GLRA3: variants seen among roughly 807,000 people sequenced by gnomAD.
GLRA3 encodes glycine receptor alpha 3.
A neutral mutation model predicts 60.4 loss-of-function variants in GLRA3; 44 were observed. The ratio of observed to expected loss-of-function variants is 0.73; its 90% CI spans 0.57 to 0.94. The LOEUF (loss-of-function observed/expected upper bound fraction) is 0.94, where lower values mean the gene tolerates loss of function less well. Among genes scored for constraint, GLRA3 ranks in the 40% least tolerant of loss-of-function variants. The pLI is 0.00. For missense variants in GLRA3, 508 were observed against 564.6 expected (o/e 0.90, Z 1.02); for synonymous variants, 223 against 192.9 (o/e 1.16, Z -1.29).
intron 1 of GLRA3, among the ~76,000 whole-genome samples, chr4:174,827,750 T>C (rs937386371): frequency 4.6e-5 from 7 of 152,118 alleles, no homozygotes; most frequent in Middle Eastern, 3.6e-3. Flanking sequence ...GATACACTAT[T>C]GGTTTTTATA....
chr4:174,753,295 C>T (rs894902191), intron 3 of GLRA3, among the ~76,000 whole-genome samples: 37 of 152,060 alleles, frequency 2.4e-4, no homozygotes, highest in Non-Finnish European at 3.8e-4. Context: ...AGAAATATGC[C>T]GTTTGAACGG....
chr4:174,710,963 A>G (rs901352048), intron 5 of GLRA3, among the ~76,000 whole-genome samples: 1 of 151,966 alleles, frequency 6.6e-6, no homozygotes, highest in African/African-American at 2.4e-5. Flanking sequence ...ATTTGTATCT[A>G]GAAATTTTGA....
intron 1 of GLRA3, among the ~76,000 whole-genome samples, chr4:174,820,530 G>C (rs1020737030): frequency 6.6e-6 from 1 of 152,126 alleles, no homozygotes; most frequent in African/African-American, 2.4e-5. Context: ...TGGCAACAGC[G>C]CTGGGATATG....
chr4:174,695,962 C>T (rs1735036309), intron 5 of GLRA3, among the ~76,000 whole-genome samples: 2 of 151,792 alleles, frequency 1.3e-5, no homozygotes, highest in African/African-American at 4.8e-5. Flanking sequence ...CACTGAGAGC[C>T]AAATCAGAAA....
chr4:174,728,823 G>T, intron 3 of GLRA3, 125 bp from the exon 4 acceptor site: 1 of 604,492 alleles, frequency 1.7e-6, no homozygotes, highest in Non-Finnish European at 2.9e-6. Flanking sequence ...CTTGGGGACG[G>T]GGTGTATAGT....
chr4:174,722,201 G>T (rs1330853554), intron 4 of GLRA3, among the ~76,000 whole-genome samples: 1 of 152,104 alleles, frequency 6.6e-6, no homozygotes, highest in Non-Finnish European at 1.5e-5. Flanking sequence ...CTCATGACAG[G>T]TAGCAGTTGT....
At chr4:174,764,052 T>G (rs2111229801) in intron 3 of GLRA3, among the ~76,000 whole-genome samples, 1 of 152,258 alleles carries the variant, frequency 6.6e-6, no homozygotes, top group South Asian at 2.1e-4. Flanking sequence ...CTACATGAAA[T>G]TAATCAGATT....
intron 1 of GLRA3, among the ~76,000 whole-genome samples, chr4:174,799,069 T>C (rs895638165): frequency 3.3e-5 from 5 of 152,244 alleles, no homozygotes; most frequent in Non-Finnish European, 7.3e-5. Flanking sequence ...ATCTAATTTC[T>C]ACCTGCAGTT....
In GLRA3 at chr4:174,643,290, T is replaced by A; in HGVS notation, c.*496A>T. ...ATGTTGTTTAAATAGTATTTATATGTACAATCCTCCATTAATATGAGTGAA... is the reference window on the plus strand; with the variant it reads ...ATGTTGTTTAAATAGTATTTATATGAACAATCCTCCATTAATATGAGTGAA... On this transcript the variant is annotated 3_prime_UTR_variant, in exon 10 of 10. Coordinates refer to ENST00000274093, the MANE Select transcript of GLRA3 (RefSeq NM_006529.4). 1.6e-6 allele frequency: 1 copy of A among 631,712 alleles called. No individual in the cohort carries two copies. Among genetic ancestry groups the A allele is most frequent in the Non-Finnish European group, 1.9e-6 (1 of 528,170 alleles). The allele number at this position is 631,712 out of a possible 1,614,324, so 39.1% of individuals were successfully genotyped here.
chr4:174,764,489 T>G (rs1339278828), intron 3 of GLRA3, among the ~76,000 whole-genome samples: 1 of 152,012 alleles, frequency 6.6e-6, no homozygotes, highest in African/African-American at 2.4e-5. Flanking sequence ...TTTAATTGAC[T>G]GCCTTAGTTG....
At chr4:174,689,399 G>A (rs1471817) in intron 5 of GLRA3, among the ~76,000 whole-genome samples, 8,890 of 152,112 alleles carry the variant, frequency 0.058, 303 homozygotes, top group South Asian at 0.12. Flanking sequence ...TGAGAGATGC[G>A]GAAAAAGCCT....
chr4:174,751,470 T>C (rs1284341203), intron 3 of GLRA3, among the ~76,000 whole-genome samples: 1 of 152,084 alleles, frequency 6.6e-6, no homozygotes, highest in African/African-American at 2.4e-5. Context: ...CGTGTTTGTG[T>C]GCAGGCACAC....
chr4:174,645,037 G>A (rs1012688477), intron 9 of GLRA3, among the ~76,000 whole-genome samples: 5 of 151,936 alleles, frequency 3.3e-5, no homozygotes, highest in Non-Finnish European at 7.4e-5. Flanking sequence ...AAGATGAGAA[G>A]ACATTTAATA....
At chr4:174,775,657 G>T (rs1419076154) in intron 2 of GLRA3, among the ~76,000 whole-genome samples, 2 of 152,138 alleles carry the variant, frequency 1.3e-5, no homozygotes, top group African/African-American at 2.4e-5. Flanking sequence ...GTAAAATCCA[G>T]CAGTGGTGGG....
At chr4:174,654,367 AAT>A (rs1327167065) in intron 9 of GLRA3, among the ~76,000 whole-genome samples, 6 of 152,256 alleles carry the variant, frequency 3.9e-5, no homozygotes, top group Admixed American at 2.6e-4. Context: ...AAGCAAATAA[AAT>A]AAAGTTTGTG....
chr4:174,728,807 AC>A (rs1412400209), intron 3 of GLRA3, 109 bp from the exon 4 acceptor site: 2 of 644,970 alleles, frequency 3.1e-6, no homozygotes, highest in Non-Finnish European at 5.3e-6. Context: ...TAGAAAATAT[AC>A]CCCTCTTGGG....
chr4:174,676,878 T>A (rs6811808), intron 7 of GLRA3, among the ~76,000 whole-genome samples, 200 bp downstream of exon 7: 54,115 of 151,824 alleles, frequency 0.36, 10,230 homozygotes, highest in Middle Eastern at 0.45. Flanking sequence ...AAAATGTGAA[T>A]AGCGGATATC....
chr4:174,763,335 C>T (rs567097486), intron 3 of GLRA3, among the ~76,000 whole-genome samples: 1 of 152,274 alleles, frequency 6.6e-6, no homozygotes, highest in South Asian at 2.1e-4. Context: ...TTAGTTTTAC[C>T]TACCACCATC....
chr4:174,818,661 A>T (rs2111390585), intron 1 of GLRA3, among the ~76,000 whole-genome samples: 1 of 152,302 alleles, frequency 6.6e-6, no homozygotes, highest in Non-Finnish European at 1.5e-5. Context: ...AGGTCTTTAC[A>T]AAGAAACAAC....
Sources: allele counts gnomAD v4.1 joint callset (sites outside exome capture counted in the v4.1 genomes callset), GRCh38; gene constraint gnomAD v4.1.1; transcripts MANE v1.5; gene names NCBI Gene and HGNC (gene_info 2026-07-23, HGNC 2026-07-21).